Variants in NR1H4 observed in about 807,000 individuals in gnomAD.
NR1H4 encodes bile acid receptor.
Under a neutral mutation model 58.5 loss-of-function variants are expected in NR1H4, and 23 were observed. The ratio of observed to expected loss-of-function variants is 0.39; its 90% CI spans 0.28 to 0.56. NR1H4 has a LOEUF of 0.56. Among genes scored for constraint, NR1H4 ranks in the 20% least tolerant of loss-of-function variants. NR1H4 has a pLI of 0.58. For synonymous variants in NR1H4, 214 were observed against 198.0 expected (o/e 1.08, Z -0.68); for missense variants, 487 against 576.9 (o/e 0.84, Z 1.60).
At chr12:100,511,488 G>A (rs1311309714) in intron 4 of NR1H4, among the ~76,000 whole-genome samples, 2 of 152,110 alleles carry the variant, frequency 1.3e-5, no homozygotes, top group South Asian at 2.1e-4. Flanking sequence ...AAAGAAGAAA[G>A]TGATGAACAC....
chr12:100,553,450 A>C (rs1274847770), intron 9 of NR1H4, among the ~76,000 whole-genome samples: 1 of 152,190 alleles, frequency 6.6e-6, no homozygotes, highest in Non-Finnish European at 1.5e-5. Flanking sequence ...AGGAAGCAAA[A>C]TTTGAACTTG....
intron 1 of NR1H4, among the ~76,000 whole-genome samples, chr12:100,476,522 T>G (rs1160907026): frequency 6.6e-6 from 1 of 152,192 alleles, no homozygotes; most frequent in Non-Finnish European, 1.5e-5. Flanking sequence ...TCAGAACTGC[T>G]GTGGCTCACA....
intron 3 of NR1H4, among the ~76,000 whole-genome samples, chr12:100,506,334 G>A (rs1331277023): frequency 6.6e-6 from 1 of 152,146 alleles, no homozygotes; most frequent in African/African-American, 2.4e-5. Context: ...AGCTTAGCCA[G>A]TTAAGATCTC....
chr12:100,541,466 G>A (rs1954933476), intron 9 of NR1H4, among the ~76,000 whole-genome samples: 1 of 151,886 alleles, frequency 6.6e-6, no homozygotes, highest in Non-Finnish European at 1.5e-5. Flanking sequence ...ATTTTTAGTA[G>A]AGACAGAGTT....
At chr12:100,562,251 C>G (rs764703675) in intron 10 of NR1H4, among the ~76,000 whole-genome samples, 1 of 151,902 alleles carries the variant, frequency 6.6e-6, no homozygotes, top group Non-Finnish European at 1.5e-5. Flanking sequence ...TGCTAAGCAC[C>G]GGGGATGCAA....
At chr12:100,538,840 T>A (rs1330769139) in intron 8 of NR1H4, among the ~76,000 whole-genome samples, 1 of 152,198 alleles carries the variant, frequency 6.6e-6, no homozygotes, top group East Asian at 1.9e-4. Flanking sequence ...TCACTATCAT[T>A]GAAACACTAA....
At chr12:100,543,279 G>A (rs1241052288) in intron 9 of NR1H4, among the ~76,000 whole-genome samples, 2 of 152,118 alleles carry the variant, frequency 1.3e-5, no homozygotes, top group Non-Finnish European at 2.9e-5. Flanking sequence ...CTTGGATGCT[G>A]GGCTAATGAT....
chr12:100,518,263 CA>C (rs1412798366), intron 4 of NR1H4, among the ~76,000 whole-genome samples: 2 of 151,990 alleles, frequency 1.3e-5, no homozygotes, highest in African/African-American at 2.4e-5. Flanking sequence ...TAAAGGTGGT[CA>C]GGGGAAGAGA....
At chr12:100,549,333 A>T (rs1282253529) in intron 9 of NR1H4, among the ~76,000 whole-genome samples, 3 of 152,102 alleles carry the variant, frequency 2.0e-5, no homozygotes, top group Non-Finnish European at 4.4e-5. Context: ...GTGAGACTCC[A>T]TCTCAAAAAC....
At chr12:100,475,211 T>G in intron 1 of NR1H4, among the ~76,000 whole-genome samples, 1 of 152,068 alleles carries the variant, frequency 6.6e-6, no homozygotes, top group East Asian at 1.9e-4. Flanking sequence ...GGAAAAGATG[T>G]TCAGGGAGCT....
intron 9 of NR1H4, among the ~76,000 whole-genome samples, chr12:100,544,732 G>C (rs939951303): frequency 3.3e-5 from 5 of 152,078 alleles, no homozygotes; most frequent in African/African-American, 1.2e-4. Flanking sequence ...TATAAAACTG[G>C]TCTGTTTATT....
At chr12:100,478,154 T>A (rs1953308895) in intron 1 of NR1H4, among the ~76,000 whole-genome samples, 1 of 151,792 alleles carries the variant, frequency 6.6e-6, no homozygotes, top group Non-Finnish European at 1.5e-5. Context: ...TGGTGCTGGT[T>A]GTTGAAAGTA....
intron 3 of NR1H4, among the ~76,000 whole-genome samples, chr12:100,505,304 C>T (rs1485507877): frequency 2.0e-5 from 3 of 152,170 alleles, no homozygotes; most frequent in Admixed American, 6.5e-5. Context: ...TACAGTGGTT[C>T]TGGTCCCAAA....
chr12:100,523,157 T>C (rs542242466), intron 4 of NR1H4, among the ~76,000 whole-genome samples: 11 of 152,302 alleles, frequency 7.2e-5, no homozygotes, highest in African/African-American at 2.4e-4. Context: ...GTTGTACTAA[T>C]TTACATTCTC....
intron 4 of NR1H4, among the ~76,000 whole-genome samples, chr12:100,531,077 T>C (rs1471891969): frequency 1.3e-5 from 2 of 152,106 alleles, no homozygotes; most frequent in East Asian, 3.9e-4. Flanking sequence ...AGTGTAAAAA[T>C]TGTGGAGTGA....
At position 100,558,759 on chromosome 12, in the gene NR1H4, T is replaced by C. The variant is rs576619341; in HGVS notation, c.1079-3126T>C. 5.8e-4 allele frequency among the ~76,000 whole-genome samples: 89 copies of C among 152,332 alleles called. 2 individuals are homozygous for C. In the South Asian group the frequency reaches 0.011, roughly 19 times the overall value. On this transcript the variant is annotated intron_variant, in intron 9 of 10. Transcript: ENST00000392986. ...TACAAAAACTGGGCAATGTGAATTG[T>C]TTAGGGAACTACAAGTGGCCGAGGT...
At chr12:100,558,330 C>T (rs11110419) in intron 9 of NR1H4, among the ~76,000 whole-genome samples, 6,259 of 112,334 alleles carry the variant, frequency 0.056, 293 homozygotes, top group East Asian at 0.24. Flanking sequence ...GCCTGGGCAA[C>T]AAGAGTGAGA....
At chr12:100,505,438 A>C in intron 3 of NR1H4, 1 of 485,584 alleles carries the variant, frequency 2.1e-6, no homozygotes, top group African/African-American at 1.9e-5. Context: ...CAATATCCCT[A>C]TGTGGTTAGT....
At chr12:100,549,552 A>T (rs1449969929) in intron 9 of NR1H4, among the ~76,000 whole-genome samples, 1 of 152,130 alleles carries the variant, frequency 6.6e-6, no homozygotes, top group Non-Finnish European at 1.5e-5. Flanking sequence ...AGAAATGATG[A>T]GGGTCTTGCT....
Sources: allele counts gnomAD v4.1 joint callset (sites outside exome capture counted in the v4.1 genomes callset), GRCh38; gene constraint gnomAD v4.1.1; transcripts MANE v1.5; gene names NCBI Gene and HGNC (gene_info 2026-07-23, HGNC 2026-07-21).